Variants in SLC24A1 observed in about 807,000 individuals in gnomAD.
The protein encoded by SLC24A1 is sodium/potassium/calcium exchanger 1.
Under a neutral mutation model 88.1 loss-of-function variants are expected in SLC24A1, and 52 were observed. That is an observed-to-expected ratio of 0.59 (90% confidence interval 0.47 to 0.74). The LOEUF (loss-of-function observed/expected upper bound fraction) is 0.74, where lower values mean the gene tolerates loss of function less well. SLC24A1 is among the 30% of genes least tolerant of loss of function. SLC24A1 has a pLI of 0.00. For synonymous variants in SLC24A1, 455 were observed against 498.0 expected, an observed-to-expected ratio of 0.91 and a Z score of 1.15; for missense variants, 1,173 against 1,363.3, an observed-to-expected ratio of 0.86 and a Z score of 2.20.
chr15:65,646,134 G>A (rs2075292706), intron 6 of SLC24A1, among the ~76,000 whole-genome samples: 1 of 152,220 alleles, frequency 6.6e-6, no homozygotes, highest in Non-Finnish European at 1.5e-5. Context: ...TGTCTGCAGA[G>A]CTTTCCAAGT....
chr15:65,646,461 C>G (rs2075304465), intron 6 of SLC24A1, among the ~76,000 whole-genome samples: 1 of 151,574 alleles, frequency 6.6e-6, no homozygotes, highest in Admixed American at 6.6e-5. Context: ...TTCATATATC[C>G]TCATCTTACC....
chr15:65,639,882 A>AG (rs1369213626), intron 4 of SLC24A1, among the ~76,000 whole-genome samples, 179 bp downstream of exon 4: 1 of 152,202 alleles, frequency 6.6e-6, no homozygotes, highest in African/African-American at 2.4e-5. Flanking sequence ...AGACCAAGAC[A>AG]GGGGACTCAC....
intron 8 of SLC24A1, 90 bp from the exon 9 acceptor site, chr15:65,652,546 CCTTAGA>C (rs1181381120): frequency 3.5e-5 from 41 of 1,159,040 alleles, no homozygotes; most frequent in South Asian, 2.5e-4. Flanking sequence ...TGGCTGAGCT[CCTTAGA>C]AGGCAGTCTG....
At chr15:65,635,004 A>G (rs565210423) in intron 2 of SLC24A1, among the ~76,000 whole-genome samples, 1 of 152,310 alleles carries the variant, frequency 6.6e-6, no homozygotes, top group East Asian at 1.9e-4. Context: ...GAAAGTTAGA[A>G]GTGCATGCTG....
chr15:65,645,878 A>G (rs762455327), intron 6 of SLC24A1, among the ~76,000 whole-genome samples, 175 bp downstream of exon 6: 4 of 152,252 alleles, frequency 2.6e-5, no homozygotes, highest in East Asian at 1.9e-4. Context: ...CATGGGGCCA[A>G]TTAACTCACT....
rs551554052 is a variant in SLC24A1 at position 65,655,717 on chromosome 15, T to C, written c.*1638T>C. ...GTGATATGAAAAAAACCCAAACATT[T>C]TGGCATTGAATGATGGCTAAGGTGT... On this transcript the variant is annotated 3_prime_UTR_variant, in exon 10 of 10. Transcript: ENST00000261892. 6.4e-5 allele frequency: 63 copies of C among 985,394 alleles called. No homozygotes were observed. In the African/African-American group the frequency reaches 1.0e-3, roughly 16 times the overall value. The allele number at this position is 985,394 out of a possible 1,614,324, so 61.0% of individuals were successfully genotyped here. A position where few individuals can be genotyped will look rare whatever the true frequency, so the allele number is the denominator to read the frequency against.
At chr15:65,646,373 G>A (rs1310492940) in intron 6 of SLC24A1, among the ~76,000 whole-genome samples, 4 of 151,972 alleles carry the variant, frequency 2.6e-5, no homozygotes, top group Admixed American at 6.5e-5. Flanking sequence ...CACCACGCCC[G>A]GCCGTCTCCA....
At chr15:65,644,601 C>A (rs532644734) in intron 5 of SLC24A1, 88 bp downstream of exon 5, 1 of 890,728 alleles carries the variant, frequency 1.1e-6, no homozygotes, top group Non-Finnish European at 1.8e-6. Context: ...AGCAGCCAGC[C>A]AGGCCAGGGG....
At chr15:65,617,166 C>T (rs188578082), upstream of SLC24A1, among the ~76,000 whole-genome samples, 321 of 152,284 alleles carry the variant, frequency 2.1e-3, 2 homozygotes, top group Middle Eastern at 0.02. Context: ...GTGATGCCTC[C>T]AGCTTTGTTC....
intron 2 of SLC24A1, among the ~76,000 whole-genome samples, chr15:65,637,350 A>G (rs2141586722): frequency 7.5e-6 from 1 of 134,058 alleles, no homozygotes; most frequent in Non-Finnish European, 1.6e-5. Flanking sequence ...AGGTATTGTA[A>G]TGAGCTGAAG....
chr15:65,635,242 G>A (rs1208798833), intron 2 of SLC24A1, among the ~76,000 whole-genome samples: 1 of 151,804 alleles, frequency 6.6e-6, no homozygotes, highest in African/African-American at 2.4e-5. Context: ...AGCACTCTGG[G>A]AGGCCGAGGC....
At chr15:65,638,309 C>A in intron 3 of SLC24A1, 128 bp downstream of exon 3, 1 of 684,838 alleles carries the variant, frequency 1.5e-6, no homozygotes, top group South Asian at 1.6e-5. Flanking sequence ...CTCCTGGGAG[C>A]GCTGCCAGGG....
chr15:65,642,418 C>T (rs999760694), intron 4 of SLC24A1, among the ~76,000 whole-genome samples: 20 of 152,114 alleles, frequency 1.3e-4, no homozygotes, highest in African/African-American at 4.3e-4. Context: ...TGCAGCTGAC[C>T]TGTTTTCCTC....
At chr15:65,638,573 G>C (rs930113257) in intron 3 of SLC24A1, among the ~76,000 whole-genome samples, 1 of 152,186 alleles carries the variant, frequency 6.6e-6, no homozygotes, top group Non-Finnish European at 1.5e-5. Flanking sequence ...GAATGCCCCA[G>C]AACTAAGAGA....
At chr15:65,657,883 C>T (rs1596365197), downstream of SLC24A1, among the ~76,000 whole-genome samples, 1 of 152,334 alleles carries the variant, frequency 6.6e-6, no homozygotes, top group East Asian at 1.9e-4. Context: ...CAACTAAAGG[C>T]ACACTTCTGG....
At chr15:65,648,426 T>G (rs1455087901) in intron 6 of SLC24A1, among the ~76,000 whole-genome samples, 1 of 152,122 alleles carries the variant, frequency 6.6e-6, no homozygotes, top group Non-Finnish European at 1.5e-5. Context: ...AGCATATTGC[T>G]ACAGGTTAGC....
At chr15:65,658,671 T>C (rs1381682558), downstream of SLC24A1, among the ~76,000 whole-genome samples, 1 of 152,198 alleles carries the variant, frequency 6.6e-6, no homozygotes, top group African/African-American at 2.4e-5. Flanking sequence ...CCTTTGAGCA[T>C]CATGTCGGTA....
chr15:65,621,313 C>G (rs2074311045), upstream of SLC24A1, among the ~76,000 whole-genome samples: 1 of 152,204 alleles, frequency 6.6e-6, no homozygotes, highest in South Asian at 2.1e-4. Flanking sequence ...AAGTCATGGG[C>G]TGGAGGCGCG....
chr15:65,621,256 T>C (rs185966636), upstream of SLC24A1, among the ~76,000 whole-genome samples: 250 of 152,266 alleles, frequency 1.6e-3, 3 homozygotes, highest in Non-Finnish European at 4.4e-5. Flanking sequence ...ATGGTTAGGA[T>C]CACAAGATCC....
Sources: gnomAD v4.1 joint callset for allele counts (sites outside exome capture counted in the v4.1 genomes callset) on GRCh38, gnomAD v4.1.1 for gene constraint, MANE v1.5 for transcripts, NCBI Gene and HGNC (gene_info 2026-07-23, HGNC 2026-07-21) for gene names.